The following ARHGEF26 variants were observed in gnomAD, a reference collection of about 807,000 sequenced individuals.
ARHGEF26 encodes the protein Rho guanine nucleotide exchange factor (GEF) 26.
Under a neutral mutation model 89.4 loss-of-function variants are expected in ARHGEF26, and 59 were observed. The ratio of observed to expected loss-of-function variants is 0.66; its 90% CI spans 0.54 to 0.82. The LOEUF (loss-of-function observed/expected upper bound fraction) is 0.82, where lower values mean the gene tolerates loss of function less well. ARHGEF26 is among the 40% of genes least tolerant of loss of function. ARHGEF26 has a pLI of 0.00. For missense variants in ARHGEF26, 1,234 were observed against 1,085.6 expected (o/e 1.14, Z -1.92); for synonymous variants, 500 against 428.4 (o/e 1.17, Z -2.06).
At chr3:154,160,667 G>A (rs1160000912) in intron 6 of ARHGEF26, among the ~76,000 whole-genome samples, 2 of 151,926 alleles carry the variant, frequency 1.3e-5, no homozygotes, top group Non-Finnish European at 2.9e-5. Context: ...GAAAGGTGGT[G>A]CATTGATTGA....
At chr3:154,125,569 G>A (rs1274132522) in intron 3 of ARHGEF26, among the ~76,000 whole-genome samples, 2 of 152,148 alleles carry the variant, frequency 1.3e-5, no homozygotes, top group African/African-American at 2.4e-5. Flanking sequence ...GAAGTGAACA[G>A]CATCTACCTA....
chr3:154,160,440 T>G (rs1711587754), intron 6 of ARHGEF26, among the ~76,000 whole-genome samples: 1 of 152,156 alleles, frequency 6.6e-6, no homozygotes. Context: ...GATGACTGAT[T>G]AGAGACATGC....
chr3:154,241,469 C>G (rs1308349938), intron 12 of ARHGEF26, among the ~76,000 whole-genome samples: 3 of 152,160 alleles, frequency 2.0e-5, no homozygotes, highest in Non-Finnish European at 2.9e-5. Context: ...AAAGTGATCC[C>G]AAAGAGGTAT....
At position 154,173,365 on chromosome 3, in the gene ARHGEF26, C is replaced by A. The variant is rs1202560453; in HGVS notation, c.1488-14320C>A. Among the ~76,000 whole-genome samples, 3 of 152,114 alleles carry A rather than the reference C, an allele frequency of 2.0e-5. No homozygotes were observed. In the East Asian group the frequency reaches 5.8e-4, roughly 29 times the overall value. Reference sequence around the variant, plus strand: ...AGATTTTCTGCCAATTTTAATTCACCAAGATTGCATTAAAATTATGAAGAG... The same window carrying A: ...AGATTTTCTGCCAATTTTAATTCACAAAGATTGCATTAAAATTATGAAGAG... On this transcript the variant is annotated intron_variant, in intron 6 of 14. Transcript: ENST00000465093.
intron 4 of ARHGEF26, among the ~76,000 whole-genome samples, chr3:154,148,031 A>G (rs1719801305): frequency 6.6e-6 from 1 of 152,150 alleles, no homozygotes; most frequent in Admixed American, 6.5e-5. Context: ...ATAAGGTGCT[A>G]CTTAATTTGG....
At chr3:154,225,517 C>T (rs369991088) in intron 10 of ARHGEF26, among the ~76,000 whole-genome samples, 51 of 152,118 alleles carry the variant, frequency 3.4e-4, no homozygotes, top group African/African-American at 1.2e-3. Flanking sequence ...TATTACTAGG[C>T]TTTTCAATTG....
At chr3:154,190,770 T>G (rs559655536) in intron 7 of ARHGEF26, among the ~76,000 whole-genome samples, 1 of 152,344 alleles carries the variant, frequency 6.6e-6, no homozygotes, top group South Asian at 2.1e-4. Flanking sequence ...TTTCGACTGA[T>G]GTGATGAAAA....
intron 9 of ARHGEF26, among the ~76,000 whole-genome samples, chr3:154,210,849 A>G (rs1391251820): frequency 1.3e-5 from 2 of 151,584 alleles, no homozygotes; most frequent in African/African-American, 4.8e-5. Context: ...AGGCTGAGGC[A>G]GGAGAATTAC....
At chr3:154,228,401 T>G (rs1559913719) in intron 11 of ARHGEF26, among the ~76,000 whole-genome samples, 1 of 151,896 alleles carries the variant, frequency 6.6e-6, no homozygotes, top group Non-Finnish European at 1.5e-5. Flanking sequence ...CCTCCCAAAG[T>G]GCTGGAATTA....
chr3:154,256,212 G>A lies in ARHGEF26; in HGVS notation c.*739G>A. Reference sequence around the variant, plus strand: ...AATTTAGATGGGTTCATATATGTGAGAAAAACCTGAATATAGGACAGGGGT... The same window carrying A: ...AATTTAGATGGGTTCATATATGTGAAAAAAACCTGAATATAGGACAGGGGT... On this transcript the variant is annotated 3_prime_UTR_variant, in exon 15 of 15. Coordinates refer to ENST00000465093, the MANE Select transcript of ARHGEF26 (RefSeq NM_015595.4). 3 of 985,644 alleles carry A rather than the reference G, an allele frequency of 3.0e-6. No homozygotes were observed. The highest frequency in any genetic ancestry group is 3.6e-6 in the Non-Finnish European group (3 of 829,980). The allele number at this position is 985,644 out of a possible 1,614,324, so 61.1% of individuals were successfully genotyped here.
At chr3:154,151,845 A>G (rs1454015220) in intron 5 of ARHGEF26, among the ~76,000 whole-genome samples, 1 of 152,084 alleles carries the variant, frequency 6.6e-6, no homozygotes, top group Non-Finnish European at 1.5e-5. Context: ...CAAGGACTTG[A>G]AGGGGTGGAG....
At chr3:154,205,718 C>T (rs1014970523) in intron 9 of ARHGEF26, among the ~76,000 whole-genome samples, 2 of 152,084 alleles carry the variant, frequency 1.3e-5, no homozygotes, top group African/African-American at 2.4e-5. Context: ...AACACAATAA[C>T]AGCACTATTT....
intron 6 of ARHGEF26, among the ~76,000 whole-genome samples, chr3:154,166,415 G>A (rs991746166): frequency 6.6e-6 from 1 of 152,098 alleles, no homozygotes; most frequent in Non-Finnish European, 1.5e-5. Flanking sequence ...CCTGAGGATA[G>A]GAAGGTAACG....
At chr3:154,151,535 G>T (rs1257542307) in intron 5 of ARHGEF26, among the ~76,000 whole-genome samples, 1 of 152,122 alleles carries the variant, frequency 6.6e-6, no homozygotes, top group Non-Finnish European at 1.5e-5. Context: ...GTTTTTGGGG[G>T]TTATTGTATT....
At chr3:154,181,384 G>A (rs1713173664) in intron 6 of ARHGEF26, among the ~76,000 whole-genome samples, 1 of 152,152 alleles carries the variant, frequency 6.6e-6, no homozygotes, top group Non-Finnish European at 1.5e-5. Context: ...GTAGGATACT[G>A]CAGCCATTTA....
At chr3:154,183,766 T>C (rs1713326028) in intron 6 of ARHGEF26, among the ~76,000 whole-genome samples, 1 of 152,208 alleles carries the variant, frequency 6.6e-6, no homozygotes, top group Admixed American at 6.5e-5. Flanking sequence ...ATTTTTAATA[T>C]CGTACTTTGG....
chr3:154,207,913 A>G (rs940244437), intron 9 of ARHGEF26, among the ~76,000 whole-genome samples: 3 of 152,232 alleles, frequency 2.0e-5, no homozygotes, highest in Admixed American at 1.3e-4. Context: ...CTATGCAGCC[A>G]CAAAAAAGAA....
intron 3 of ARHGEF26, among the ~76,000 whole-genome samples, chr3:154,126,074 C>T (rs1718313877): frequency 6.6e-6 from 1 of 152,142 alleles, no homozygotes. Flanking sequence ...CAATGTTATG[C>T]ATATATACTT....
chr3:154,180,529 A>C (rs906321520), intron 6 of ARHGEF26, among the ~76,000 whole-genome samples: 2 of 19,000 alleles, frequency 1.1e-4, no homozygotes, highest in African/African-American at 6.6e-4. Flanking sequence ...TCTCTCCCAC[A>C]TGTAACTCAC....
Sources: allele counts gnomAD v4.1 joint callset (sites outside exome capture counted in the v4.1 genomes callset), GRCh38; gene constraint gnomAD v4.1.1; transcripts MANE v1.5; gene names NCBI Gene and HGNC (gene_info 2026-07-23, HGNC 2026-07-21).